The following FGF14 variants were observed in gnomAD, a reference collection of about 807,000 sequenced individuals.
FGF14 encodes fibroblast growth factor homologous factor 4.
FGF14 carries 5 observed loss-of-function variants against 25.5 expected under a neutral mutation model. That is an observed-to-expected ratio of 0.20 (90% CI 0.10 to 0.41). FGF14 has a LOEUF of 0.41. Among genes scored for constraint, FGF14 ranks in the 10% least tolerant of loss-of-function variants. FGF14 has a pLI of 1.00. For synonymous variants in FGF14, 138 were observed against 118.3 expected (o/e 1.17, Z -1.08); for missense variants, 222 against 320.1 (o/e 0.69, Z 2.34).
At chr13:102,019,286 A>G (rs16959616) in intron 1 of FGF14, among the ~76,000 whole-genome samples, 4,874 of 152,124 alleles carry the variant, frequency 0.032, 253 homozygotes, top group African/African-American at 0.11. Context: ...TTTAAGAATC[A>G]CTTTCTTCTG....
At chr13:101,806,902 T>C (rs1186515280) in intron 3 of FGF14, among the ~76,000 whole-genome samples, 1 of 152,154 alleles carries the variant, frequency 6.6e-6, no homozygotes, top group Non-Finnish European at 1.5e-5. Context: ...AGCTTCCGAA[T>C]TCAACATAAC....
intron 3 of FGF14, among the ~76,000 whole-genome samples, chr13:101,839,901 C>A (rs566807997): frequency 2.0e-5 from 3 of 151,938 alleles, no homozygotes; most frequent in Non-Finnish European, 4.4e-5. Context: ...AGGCTAGAAC[C>A]TACTCTCTGA....
chr13:102,046,409 A>G (rs2041984257), intron 1 of FGF14, among the ~76,000 whole-genome samples: 1 of 152,196 alleles, frequency 6.6e-6, no homozygotes, highest in Non-Finnish European at 1.5e-5. Context: ...CACTAAGAGA[A>G]AAGCTCTCAC....
At chr13:101,858,283 TCA>T (rs2044230581) in intron 3 of FGF14, among the ~76,000 whole-genome samples, 1 of 151,756 alleles carries the variant, frequency 6.6e-6, no homozygotes, top group African/African-American at 2.4e-5. Flanking sequence ...TATTGAGATT[TCA>T]GTCATGAGTC....
intron 3 of FGF14, among the ~76,000 whole-genome samples, chr13:101,819,998 T>C (rs1566939512): frequency 6.6e-6 from 1 of 152,226 alleles, no homozygotes; most frequent in Admixed American, 6.5e-5. Flanking sequence ...CACAAGCTTT[T>C]GGAAAATCAG....
At chr13:102,161,639 A>AGAAGAG (rs1566764968) in intron 1 of FGF14, among the ~76,000 whole-genome samples, 1 of 10,476 alleles carries the variant, frequency 9.5e-5, no homozygotes, top group Non-Finnish European at 1.6e-4. Context: ...AAGAAGAAGA[A>AGAAGAG]GAAGAAGAAG....
rs138645273 is a variant in FGF14, at chr13:102,022,783, G to A, written c.209-147487C>T. 8.8e-3 allele frequency among the ~76,000 whole-genome samples: 1,345 copies of A among 152,118 alleles called. 18 individuals are homozygous for A. Among genetic ancestry groups the A allele is most frequent in the African/African-American group, 0.03 (1,264 of 41,524 alleles). ...AAAAAAGAGAATATCTTTGTATAAA[G>A]CCTCTGTATTAATAAACATTGTATT... On this transcript the variant is annotated intron_variant, in intron 1 of 4. Coordinates refer to the FGF14 transcript ENST00000376131.
intron 1 of FGF14, among the ~76,000 whole-genome samples, chr13:101,950,876 C>T (rs76089647): frequency 3.6e-4 from 47 of 130,500 alleles, no homozygotes; most frequent in African/African-American, 1.2e-3. Context: ...ATACCACAAA[C>T]AAAAAGGGGT....
At chr13:101,939,017 C>G in intron 1 of FGF14, among the ~76,000 whole-genome samples, 1 of 152,156 alleles carries the variant, frequency 6.6e-6, no homozygotes, top group East Asian at 1.9e-4. Context: ...CATCATGCAG[C>G]ACATCCCTTC....
chr13:101,859,998 G>T (rs1444530325), intron 3 of FGF14, among the ~76,000 whole-genome samples: 1 of 151,766 alleles, frequency 6.6e-6, no homozygotes, highest in African/African-American at 2.4e-5. Flanking sequence ...AAACAATCCA[G>T]GTTGGTTGAC....
chr13:101,949,880 C>A (rs2036044512), intron 1 of FGF14, among the ~76,000 whole-genome samples: 1 of 152,184 alleles, frequency 6.6e-6, no homozygotes, highest in South Asian at 2.1e-4. Context: ...AAATTCATTT[C>A]CCCTGCTTTC....
intron 1 of FGF14, among the ~76,000 whole-genome samples, chr13:102,028,064 G>C (rs188814142): frequency 6.6e-6 from 1 of 151,894 alleles, no homozygotes; most frequent in Non-Finnish European, 1.5e-5. Context: ...GTTCTTGATG[G>C]TACAACACAA....
chr13:102,046,019 T>C (rs2041966381), intron 1 of FGF14: 1 of 154,334 alleles, frequency 6.5e-6, no homozygotes, highest in African/African-American at 2.4e-5. Flanking sequence ...AGAGAAGTGG[T>C]AAATCCTTGG....
At chr13:102,354,404 C>T (rs937446227) in intron 1 of FGF14, among the ~76,000 whole-genome samples, 1 of 152,198 alleles carries the variant, frequency 6.6e-6, no homozygotes, top group African/African-American at 2.4e-5. Context: ...CAGTGAAAGG[C>T]TGATCAAAGA....
intron 1 of FGF14, among the ~76,000 whole-genome samples, chr13:101,925,301 C>A (rs1197403573): frequency 6.6e-6 from 1 of 152,148 alleles, no homozygotes; most frequent in Non-Finnish European, 1.5e-5. Flanking sequence ...GACACAAATG[C>A]AGTAAAAGCC....
At chr13:101,966,847 C>A (rs916305833) in intron 1 of FGF14, among the ~76,000 whole-genome samples, 4 of 152,112 alleles carry the variant, frequency 2.6e-5, no homozygotes, top group Non-Finnish European at 4.4e-5. Context: ...ATACAGAAGA[C>A]AGAAGGATCG....
chr13:101,981,048 C>T (rs1021123838), intron 1 of FGF14, among the ~76,000 whole-genome samples: 33 of 148,690 alleles, frequency 2.2e-4, no homozygotes, highest in African/African-American at 7.9e-4. Flanking sequence ...TTCAGACCAG[C>T]CTGGGCAACA....
chr13:101,734,282 T>A (rs189887996), intron 3 of FGF14, among the ~76,000 whole-genome samples: 11 of 152,306 alleles, frequency 7.2e-5, no homozygotes, highest in Admixed American at 6.5e-4. Flanking sequence ...GTCAATTAAA[T>A]TGACATTAGT....
intron 1 of FGF14, among the ~76,000 whole-genome samples, chr13:102,358,502 A>G (rs2057477894): frequency 1.3e-5 from 2 of 152,216 alleles, no homozygotes; most frequent in South Asian, 4.1e-4. Flanking sequence ...TGAAGACTGC[A>G]CAAGCTGTTA....
Sources: allele counts gnomAD v4.1 joint callset (sites outside exome capture counted in the v4.1 genomes callset), GRCh38; gene constraint gnomAD v4.1.1; transcripts MANE v1.5; gene names NCBI Gene and HGNC (gene_info 2026-07-23, HGNC 2026-07-21).